The following COL22A1 variants were observed in gnomAD, a reference collection of about 807,000 sequenced individuals.
COL22A1 encodes collagen alpha-1(XXII) chain.
A neutral mutation model predicts 248.9 loss-of-function variants in COL22A1; 221 were observed. That is an observed-to-expected ratio of 0.89 (90% CI 0.80 to 0.99). The LOEUF is 0.99. COL22A1 is among the 50% of genes least tolerant of loss of function. COL22A1 has a pLI of 0.00. For synonymous variants in COL22A1, 891 were observed against 793.4 expected (o/e 1.12, Z -2.07); for missense variants, 2,240 against 2,179.0 (o/e 1.03, Z -0.56).
chr8:138,862,278 G>C (rs1408345347), intron 3 of COL22A1, among the ~76,000 whole-genome samples: 1 of 152,076 alleles, frequency 6.6e-6, no homozygotes, highest in Admixed American at 6.6e-5. Context: ...TCAATGGGTT[G>C]CCACTCAACT....
At chr8:138,896,972 C>CA (rs35004780) in intron 1 of COL22A1, among the ~76,000 whole-genome samples, 88,357 of 148,368 alleles carry the variant, frequency 0.6, 27,714 homozygotes, top group East Asian at 0.84. Flanking sequence ...GACTCTTTCT[C>CA]AAAAAAAAAA....
chr8:138,756,812 C>T (rs1833042487), intron 18 of COL22A1, among the ~76,000 whole-genome samples: 1 of 152,120 alleles, frequency 6.6e-6, no homozygotes, highest in South Asian at 2.1e-4. Context: ...AATGTATCTT[C>T]CAATGCCCTG....
intron 17 of COL22A1, among the ~76,000 whole-genome samples, chr8:138,762,149 G>A (rs899822662): frequency 3.9e-5 from 6 of 152,158 alleles, no homozygotes; most frequent in South Asian, 2.1e-4. Context: ...AAACGTGCGC[G>A]TGGTCAGAGG....
chr8:138,602,130 T>G lies in COL22A1; in HGVS notation c.4170A>C (p.Gly1390=), dbSNP rs749323672. ...CTCCACTCACCCTTTCTCCTTTGAATCCAGGCTCTCCAGGCTTCCCAGGGA... is the reference window on the plus strand; with the variant it reads ...CTCCACTCACCCTTTCTCCTTTGAAGCCAGGCTCTCCAGGCTTCCCAGGGA... ...EGVPGKPGEP[G]FKGERGDPGI... Residue 1390 remains glycine, a synonymous_variant, in exon 60 of 65, where the codon GGA becomes GGC. Transcript: ENST00000303045. 41 of 1,614,032 alleles carry G rather than the reference T, an allele frequency of 2.5e-5. No homozygotes were observed. Among genetic ancestry groups the G allele is most frequent in the Non-Finnish European group, 3.5e-5 (41 of 1,180,048 alleles).
chr8:138,827,547 C>T (rs932081694), intron 5 of COL22A1, among the ~76,000 whole-genome samples: 131 of 152,198 alleles, frequency 8.6e-4, no homozygotes, highest in African/African-American at 3.1e-3. Flanking sequence ...GTAGCACATC[C>T]TCTTCTCTCC....
chr8:138,656,996 G>C (rs1457869289), intron 44 of COL22A1, among the ~76,000 whole-genome samples: 1 of 152,184 alleles, frequency 6.6e-6, no homozygotes, highest in African/African-American at 2.4e-5. Flanking sequence ...CAGGTAACAC[G>C]AGTTTGTTCA....
chr8:138,589,500 C>A, intron 64 of COL22A1, 60 bp from the exon 65 acceptor site: 1 of 1,328,680 alleles, frequency 7.5e-7, no homozygotes, highest in African/African-American at 1.5e-5. Context: ...AGGGGATGGG[C>A]CCTGAACTCA....
At chr8:138,699,822 C>T (rs1235296360) in intron 32 of COL22A1, among the ~76,000 whole-genome samples, 2 of 152,268 alleles carry the variant, frequency 1.3e-5, no homozygotes, top group Non-Finnish European at 2.9e-5. Context: ...ACCAGCTACT[C>T]TCTGTGTTAC....
chr8:138,690,997 A>T, intron 35 of COL22A1, 123 bp from the exon 36 acceptor site: 2 of 717,634 alleles, frequency 2.8e-6, no homozygotes, highest in Non-Finnish European at 4.4e-6. Context: ...TGCTGACCTG[A>T]CAGCCTCTGC....
intron 1 of COL22A1, among the ~76,000 whole-genome samples, chr8:138,911,529 C>T (rs1410771837): frequency 6.6e-6 from 1 of 152,270 alleles, no homozygotes; most frequent in Admixed American, 6.5e-5. Flanking sequence ...CAGATGACAG[C>T]GGATGACCAG....
At chr8:138,617,826 A>G (rs1587686939) in intron 53 of COL22A1, among the ~76,000 whole-genome samples, 1 of 152,188 alleles carries the variant, frequency 6.6e-6, no homozygotes, top group South Asian at 2.1e-4. Context: ...CAGTTTCCAC[A>G]TCTGTAAAAT....
At chr8:138,815,683 G>A (rs189638047) in intron 7 of COL22A1, among the ~76,000 whole-genome samples, 51 of 152,280 alleles carry the variant, frequency 3.3e-4, no homozygotes, top group Admixed American at 2.9e-3. Context: ...CATAGACCAC[G>A]AGGGCAAGGT....
intron 27 of COL22A1, among the ~76,000 whole-genome samples, 163 bp downstream of exon 27, chr8:138,720,576 G>T (rs1452790193): frequency 6.6e-6 from 1 of 152,042 alleles, no homozygotes; most frequent in Non-Finnish European, 1.5e-5. Flanking sequence ...TGTCATCCTG[G>T]TTGGAGCCCT....
chr8:138,767,590 C>T (rs1029358736), intron 16 of COL22A1, among the ~76,000 whole-genome samples: 1 of 152,220 alleles, frequency 6.6e-6, no homozygotes, highest in African/African-American at 2.4e-5. Context: ...AGGACTGGAC[C>T]TCTGCTCTGA....
At chr8:138,723,061 T>C (rs1029143672) in intron 25 of COL22A1, among the ~76,000 whole-genome samples, 8 of 138,086 alleles carry the variant, frequency 5.8e-5, no homozygotes, top group Non-Finnish European at 1.2e-4. Flanking sequence ...ACTTAAAAGT[T>C]GAAGGAAAAA....
At chr8:138,638,179 T>C (rs1821357770) in intron 47 of COL22A1, among the ~76,000 whole-genome samples, 1 of 152,210 alleles carries the variant, frequency 6.6e-6, no homozygotes, top group Non-Finnish European at 1.5e-5. Flanking sequence ...TCTTTAACTA[T>C]TATCTACCTT....
At chr8:138,885,045 C>T (rs1000460959) in intron 1 of COL22A1, among the ~76,000 whole-genome samples, 1 of 152,116 alleles carries the variant, frequency 6.6e-6, no homozygotes, top group African/African-American at 2.4e-5. Context: ...CACACACACA[C>T]AGGGGAAGCG....
intron 31 of COL22A1, among the ~76,000 whole-genome samples, chr8:138,700,564 G>A (rs1269963335): frequency 6.6e-6 from 1 of 152,200 alleles, no homozygotes; most frequent in Non-Finnish European, 1.5e-5. Context: ...ATGCAGGTGC[G>A]TAGTAGACAA....
intron 39 of COL22A1, 77 bp downstream of exon 39, chr8:138,684,348 G>A (rs373499822): frequency 6.4e-5 from 58 of 911,618 alleles, no homozygotes; most frequent in African/African-American, 4.4e-4. Context: ...AACCGGAGAT[G>A]CTTATAATCA....
Sources: gnomAD v4.1 joint callset for allele counts (sites outside exome capture counted in the v4.1 genomes callset) on GRCh38, gnomAD v4.1.1 for gene constraint, MANE v1.5 for transcripts, NCBI Gene and HGNC (gene_info 2026-07-23, HGNC 2026-07-21) for gene names.